Variants in DCAF8L2 observed in about 807,000 individuals in gnomAD.
DCAF8L2 encodes the protein DDB1 and CUL4 associated factor 8 like 2.
For missense variants in DCAF8L2, 430 were observed against 490.7 expected, an observed-to-expected ratio of 0.88 and a Z score of 1.17; for synonymous variants, 200 against 190.9, an observed-to-expected ratio of 1.05 and a Z score of -0.39.
the DCAF8L2 span, among the ~76,000 whole-genome samples, chrX:27,549,716 C>T: frequency 9.0e-6 from 1 of 111,465 alleles, no homozygotes; most frequent in Non-Finnish European, 1.9e-5. Flanking sequence ...TCCCACTGAT[C>T]TACAGATAAA....
chrX:27,654,739 A>G (rs1250581741), intron 2 of DCAF8L2, among the ~76,000 whole-genome samples: 1 of 111,289 alleles, frequency 9.0e-6, no homozygotes, highest in Non-Finnish European at 1.9e-5. Context: ...TGCATGACAA[A>G]TCTCTATCAA....
At chrX:27,718,454 T>G (rs912922702) in intron 4 of DCAF8L2, among the ~76,000 whole-genome samples, 3 of 112,184 alleles carry the variant, frequency 2.7e-5, no homozygotes, top group African/African-American at 9.7e-5. Flanking sequence ...AAGCCTATTA[T>G]GGTTAATTTT....
chrX:27,702,302 C>A (rs753296212), intron 3 of DCAF8L2, among the ~76,000 whole-genome samples: 2 of 80,014 alleles, frequency 2.5e-5, no homozygotes, highest in African/African-American at 5.5e-5. Flanking sequence ...CCAATTCCCT[C>A]ACAAATTCTT....
intron 1 of DCAF8L2, among the ~76,000 whole-genome samples, chrX:27,622,181 T>C (rs1235519605): frequency 9.1e-6 from 1 of 110,014 alleles, no homozygotes; most frequent in Non-Finnish European, 1.9e-5. Flanking sequence ...AGAACATCAT[T>C]TGGGAGGCCG....
chrX:27,630,025 C>A (rs1464986274), intron 1 of DCAF8L2, among the ~76,000 whole-genome samples: 1 of 111,438 alleles, frequency 9.0e-6, no homozygotes, highest in Non-Finnish European at 1.9e-5. Context: ...TTCACCTCCT[C>A]GGTTAAGTTT....
intron 2 of DCAF8L2, among the ~76,000 whole-genome samples, chrX:27,669,634 C>T (rs750983431): frequency 1.9e-5 from 2 of 107,914 alleles, no homozygotes; most frequent in South Asian, 4.3e-4. Flanking sequence ...CGCCCCCGCT[C>T]CATGACAGAC....
At chrX:27,626,844 T>G (rs1267123545) in intron 1 of DCAF8L2, among the ~76,000 whole-genome samples, 3 of 111,478 alleles carry the variant, frequency 2.7e-5, no homozygotes, top group Non-Finnish European at 5.6e-5. Flanking sequence ...AGTCTAAAAT[T>G]AAGTCTATAT....
intron 1 of DCAF8L2, among the ~76,000 whole-genome samples, chrX:27,614,516 G>T (rs1368444402): frequency 3.6e-5 from 4 of 110,882 alleles, no homozygotes; most frequent in African/African-American, 6.6e-5. Flanking sequence ...GTTTGCTCTT[G>T]CTTCTCTAGT....
At chrX:27,505,486 C>A in the DCAF8L2 span, among the ~76,000 whole-genome samples, 12 of 111,696 alleles carry the variant, frequency 1.1e-4, no homozygotes, top group African/African-American at 3.9e-4. Flanking sequence ...AAAGCTATTT[C>A]TTATTATTTA....
At chrX:27,617,468 A>G (rs900457576) in intron 1 of DCAF8L2, among the ~76,000 whole-genome samples, 3 of 111,114 alleles carry the variant, frequency 2.7e-5, no homozygotes, top group African/African-American at 6.5e-5. Flanking sequence ...ATGGAGTCTT[A>G]AAAGCTATGA....
At chrX:27,573,631 T>A in the DCAF8L2 span, among the ~76,000 whole-genome samples, 1 of 111,254 alleles carries the variant, frequency 9.0e-6, no homozygotes, top group Non-Finnish European at 1.9e-5. Context: ...ACTAGGGGAA[T>A]AGATTTTCAC....
At chrX:27,732,493 CGT>C (rs139652032) in intron 4 of DCAF8L2, among the ~76,000 whole-genome samples, 18,954 of 83,816 alleles carry the variant, frequency 0.23, 1,808 homozygotes, top group African/African-American at 0.37. Context: ...TGTGTGTGCG[CGT>C]GTGTGTGTGT....
chrX:27,518,190 T>G, the DCAF8L2 span: 1 of 917,782 alleles, frequency 1.1e-6, no homozygotes, highest in Non-Finnish European at 1.6e-6. Flanking sequence ...CTGCAGTTCT[T>G]TTGGCTTCCT....
intron 1 of DCAF8L2, among the ~76,000 whole-genome samples, chrX:27,594,242 A>T (rs1190325317): frequency 9.0e-6 from 1 of 111,727 alleles, no homozygotes; most frequent in East Asian, 2.8e-4. Context: ...TAACTTACAA[A>T]ATTGGCATAA....
intron 1 of DCAF8L2, among the ~76,000 whole-genome samples, chrX:27,598,111 T>C (rs1926442946): frequency 8.9e-6 from 1 of 112,203 alleles, no homozygotes; most frequent in South Asian, 3.6e-4. Flanking sequence ...TAAAATATTC[T>C]CCCTATGGAG....
At chrX:27,596,411 A>G (rs776874287) in intron 1 of DCAF8L2, among the ~76,000 whole-genome samples, 1 of 111,865 alleles carries the variant, frequency 8.9e-6, no homozygotes, top group East Asian at 2.8e-4. Flanking sequence ...TGGTGAGAAG[A>G]TAATTAAAAC....
At chrX:27,533,164 G>GAGAGAAAGAAAGAAAGAA in the DCAF8L2 span, among the ~76,000 whole-genome samples, 4 of 17,349 alleles carry the variant, frequency 2.3e-4, no homozygotes, top group Admixed American at 9.4e-4. Flanking sequence ...GAGAGAGAGA[G>GAGAGAAAGAAAGAAAGAA]AGAAAGAAAG....
chrX:27,551,699 G>A, the DCAF8L2 span, among the ~76,000 whole-genome samples: 5 of 111,175 alleles, frequency 4.5e-5, no homozygotes, highest in African/African-American at 1.6e-4. Context: ...ATTCCATTAT[G>A]TATATACACC....
the DCAF8L2 span, among the ~76,000 whole-genome samples, chrX:27,552,528 C>T: frequency 1.8e-5 from 2 of 111,693 alleles, no homozygotes; most frequent in African/African-American, 6.5e-5. Context: ...GTCCAGTTTT[C>T]CAAGCAACAT....
Sources: gnomAD v4.1 joint callset for allele counts (sites outside exome capture counted in the v4.1 genomes callset) on GRCh38, gnomAD v4.1.1 for gene constraint, MANE v1.5 for transcripts, NCBI Gene and HGNC (gene_info 2026-07-23, HGNC 2026-07-21) for gene names.